The following MKNK1 variants were observed in gnomAD, a reference collection of about 807,000 sequenced individuals.
The protein encoded by MKNK1 is MAPK interacting serine/threonine kinase 1, also known as MAP kinase-interacting serine/threonine-protein kinase 1.
A neutral mutation model predicts 49.3 loss-of-function variants in MKNK1; 30 were observed. The ratio of observed to expected loss-of-function variants is 0.61; its 90% confidence interval spans 0.46 to 0.83. MKNK1 has a LOEUF of 0.83. Among genes scored for constraint, MKNK1 ranks in the 40% least tolerant of loss-of-function variants. The pLI is 0.00. For missense variants in MKNK1, 423 were observed against 524.7 expected, an observed-to-expected ratio of 0.81 and a Z score of 1.89; for synonymous variants, 176 against 201.7, an observed-to-expected ratio of 0.87 and a Z score of 1.08.
At chr1:46,583,086 C>A in intron 3 of MKNK1, 142 bp downstream of exon 3, 1 of 734,770 alleles carries the variant, frequency 1.4e-6, no homozygotes, top group East Asian at 2.5e-5. Flanking sequence ...CTCCCTCATC[C>A]CCATCTTATC....
chr1:46,580,495 C>G (rs757085527), intron 4 of MKNK1, 35 bp downstream of exon 4: 1 of 1,429,290 alleles, frequency 7.0e-7, no homozygotes, highest in Admixed American at 1.7e-5. Flanking sequence ...TGACTATTTG[C>G]AAAGTAAAGC....
rs538490314 is a variant in MKNK1, at chr1:46,577,481, AAAATAAAT to A, written c.199-835_199-828del. Among the ~76,000 whole-genome samples the A allele has an allele frequency of 1.6e-4, 24 of 152,100 alleles. 1 individual carries two copies. The East Asian group carries it at 2.9e-3, about 18-fold the overall frequency. The stretch of plus-strand genomic sequence containing the variant: ...AAGTAACAGAGAGACTCCATCTCAA[AAAATAAAT>A]AAATAAATAAATAAATAAACAATAA... On this transcript the variant is annotated intron_variant, in intron 4 of 12. Transcript: ENST00000371945.
chr1:46,582,986 G>C, intron 3 of MKNK1: 1 of 656,020 alleles, frequency 1.5e-6, no homozygotes, highest in Admixed American at 2.1e-5. Context: ...CCCTGAAAAG[G>C]AAGCAGTACC....
intron 2 of MKNK1, chr1:46,586,323 G>A (rs1672563311): frequency 4.1e-6 from 1 of 242,040 alleles, no homozygotes; most frequent in Non-Finnish European, 8.4e-6. Flanking sequence ...AACTCCAGAT[G>A]AGTTAAGGTT....
Position 46,594,145 on chromosome 1 carries a change from A to G in MKNK1, c.-35T>C, listed in dbSNP as rs1414179630. On this transcript the variant is annotated 5_prime_UTR_variant, in exon 2 of 13. An upstream start codon of the reference 5' UTR is lost. Transcript: ENST00000371945. ...TTTTTCCAACTTTTGAGAAGATACC[A>G]TCTGTAAACTTGAAATCCCAAATGA... 3.7e-6 allele frequency: 6 copies of G among 1,612,082 alleles called. No homozygotes were observed. Among genetic ancestry groups the G allele is most frequent in the African/African-American group, 1.3e-5 (1 of 74,896 alleles).
In MKNK1 at chr1:46,568,506, G is replaced by C; in HGVS notation, c.458-8C>G. The C allele has an allele frequency of 6.2e-7, 1 of 1,612,980 alleles. No individual in the cohort carries two copies. Among genetic ancestry groups the C allele is most frequent in the Non-Finnish European group, 8.5e-7 (1 of 1,179,476 alleles). ...GATCACGATGAGCAATGCCTGACAT[G>C]ACAAAGAGCAAAAAAATGGTTAACA... On this transcript the variant is annotated splice_polypyrimidine_tract_variant and splice_region_variant and intron_variant, in intron 7 of 12. Coordinates refer to ENST00000371945, the MANE Select transcript of MKNK1 (RefSeq NM_001135553.4).
rs1667742103 is a variant in MKNK1 at position 46,560,405 on chromosome 1, C to T, written c.970-128G>A. The stretch of plus-strand genomic sequence containing the variant: ...CAGCACAGGGAAATGGCTATGCTTG[C>T]TTGCAGGGTCAGGCCTTCCAAGCAG... On this transcript the variant is annotated intron_variant, in intron 11 of 12. Coordinates refer to ENST00000371945, the MANE Select transcript of MKNK1 (RefSeq NM_001135553.4). The T allele has an allele frequency of 3.5e-5, 34 of 981,220 alleles. 1 individual carries two copies. The Middle Eastern group carries it at 6.9e-4, about 20-fold the overall frequency. 60.8% of individuals were successfully genotyped at this position (981,220 alleles called of 1,614,324 possible).
Position 46,565,080 on chromosome 1 carries a change from G to T in MKNK1, c.570C>A (p.Asn190Lys). 6.2e-7 allele frequency: 1 copy of T among 1,614,194 alleles called. No individual in the cohort carries two copies. Among genetic ancestry groups the T allele is most frequent in the Non-Finnish European group, 8.5e-7 (1 of 1,180,040 alleles). The change falls in exon 9 of 13, where the codon AAC (asparagine) becomes AAA (lysine). Residue 190 changes from asparagine to lysine, a missense_variant. Asn to Lys is a moderately conservative substitution (Grantham distance 94). Transcript: ENST00000371945. ...FDLGSGMKLN[N>K]SCTPITTPEL... The stretch of plus-strand genomic sequence containing the variant: ...CTGGTGTGGTTATGGGGGTACAGGA[G>T]TTGTTCAGTTTCATCCCACTGCCCA...
chr1:46,586,060 T>C, intron 2 of MKNK1: 1 of 539,098 alleles, frequency 1.9e-6, no homozygotes, highest in Non-Finnish European at 3.2e-6. Flanking sequence ...GCGAGAGGTG[T>C]CATAATCTCA....
At chr1:46,564,719 C>G (rs1668755682) in intron 9 of MKNK1, among the ~76,000 whole-genome samples, 2 of 152,070 alleles carry the variant, frequency 1.3e-5, no homozygotes, top group South Asian at 2.1e-4. Flanking sequence ...AGGTGATCTG[C>G]CTGCCTCAAC....
intron 2 of MKNK1, among the ~76,000 whole-genome samples, chr1:46,585,326 C>T (rs1672398192): frequency 8.2e-6 from 1 of 122,070 alleles, no homozygotes; most frequent in Non-Finnish European, 1.7e-5. Flanking sequence ...CACCCACCCT[C>T]ACCAAGGTAA....
At position 46,565,076 on chromosome 1, in the gene MKNK1, A is replaced by G; in HGVS notation, c.574T>C (p.Cys192Arg). ...LGSGMKLNNSCTPITTPELTT... is the reference protein window; with the variant it reads ...LGSGMKLNNSRTPITTPELTT... Reference sequence around the variant, plus strand: ...AGCTCTGGTGTGGTTATGGGGGTACAGGAGTTGTTCAGTTTCATCCCACTG... The same window carrying G: ...AGCTCTGGTGTGGTTATGGGGGTACGGGAGTTGTTCAGTTTCATCCCACTG... Residue 192 changes from cysteine (C) to arginine (R), a missense_variant, in exon 9 of 13, where the codon TGT (cysteine) becomes CGT (arginine). Coordinates refer to ENST00000371945, the MANE Select transcript of MKNK1 (RefSeq NM_001135553.4). 1.2e-6 allele frequency: 2 copies of G among 1,614,202 alleles called. No homozygotes were observed. The highest frequency in any genetic ancestry group is 1.7e-6 in the Non-Finnish European group (2 of 1,180,030).
chr1:46,576,633 G>A lies in MKNK1; in HGVS notation c.220C>T (p.His74Tyr). 1.2e-6 allele frequency: 2 copies of A among 1,614,124 alleles called. No individual in the cohort carries two copies. Among genetic ancestry groups the A allele is most frequent in the Non-Finnish European group, 1.7e-6 (2 of 1,179,986 alleles). The stretch of plus-strand genomic sequence containing the variant: ...TCTCGAAACACCCTACTCCGACTGT[G>A]CCCTGCTTGTTTCTCGATGATCTGT... The part of the protein sequence containing the change: ...AVKIIEKQAG[H>Y]SRSRVFREVE... Residue 74 changes from histidine to tyrosine, a missense_variant, in exon 5 of 13, where the codon CAC becomes TAC. Physicochemically the swap from His to Tyr is moderately conservative, Grantham distance 83. Transcript: ENST00000371945.
rs967853126 is a variant in MKNK1, at chr1:46,558,660, G to A, written c.1154C>T (p.Pro385Leu). The A allele has an allele frequency of 4.3e-6, 7 of 1,614,074 alleles. No individual in the cohort carries two copies. Among genetic ancestry groups the A allele is most frequent in the Non-Finnish European group, 5.9e-6 (7 of 1,180,038 alleles). The change falls in exon 13 of 13, where the codon CCT (proline) becomes CTT (leucine). Residue 385 changes from proline to leucine, a missense_variant. By Grantham distance (98) the Pro-to-Leu change is moderately conservative. Coordinates refer to ENST00000371945, the MANE Select transcript of MKNK1 (RefSeq NM_001135553.4). ...ADGLCSMKLS[P>L]PCKSRLARRR... ...CCGGGCCAGGCGTGACTTGCAGGGA[G>A]GGGAAAGCTTCATGGAGCAGAGGCC... is the stretch of plus-strand genomic sequence containing the variant.
intron 3 of MKNK1, among the ~76,000 whole-genome samples, chr1:46,582,642 G>T (rs1671914242): frequency 6.6e-6 from 1 of 152,234 alleles, no homozygotes; most frequent in Admixed American, 6.5e-5. Flanking sequence ...CCCATCACAT[G>T]CCCAGTGATA....
intron 2 of MKNK1, chr1:46,584,513 T>C (rs1672223272): frequency 6.6e-6 from 1 of 151,962 alleles, no homozygotes; most frequent in African/African-American, 2.4e-5. Context: ...TTCTTTCTTT[T>C]TTTTCTGAGA....
intron 9 of MKNK1, chr1:46,563,117 T>G: frequency 2.5e-6 from 1 of 396,628 alleles, no homozygotes. Context: ...GGCCAAGAAG[T>G]TCCAGGAATC....
chr1:46,565,217 A>C, intron 8 of MKNK1, 81 bp from the exon 9 acceptor site: 1 of 1,304,712 alleles, frequency 7.7e-7, no homozygotes, highest in Non-Finnish European at 1.1e-6. Flanking sequence ...GTACGGGTGC[A>C]TGGCTCCGTG....
chr1:46,588,339 C>A (rs1672870632), intron 2 of MKNK1, among the ~76,000 whole-genome samples: 1 of 152,138 alleles, frequency 6.6e-6, no homozygotes, highest in Non-Finnish European at 1.5e-5. Flanking sequence ...TAATCTTTCT[C>A]TAATACACAT....
Sources: allele counts gnomAD v4.1 joint callset (sites outside exome capture counted in the v4.1 genomes callset), GRCh38; gene constraint gnomAD v4.1.1; transcripts MANE v1.5; gene names NCBI Gene and HGNC (gene_info 2026-07-23, HGNC 2026-07-21).